Variants in COL24A1 observed in about 807,000 individuals in gnomAD.
COL24A1 encodes the protein collagen alpha-1(XXIV) chain.
A neutral mutation model predicts 253.9 loss-of-function variants in COL24A1; 224 were observed. The ratio of observed to expected loss-of-function variants is 0.88; its 90% CI spans 0.79 to 0.99. The LOEUF is 0.99. COL24A1 is among the 50% of genes least tolerant of loss of function. The pLI is 0.00. For missense variants in COL24A1, 2,131 were observed against 2,068.5 expected, an observed-to-expected ratio of 1.03 and a Z score of -0.59; for synonymous variants, 685 against 673.7, an observed-to-expected ratio of 1.02 and a Z score of -0.26.
chr1:85,840,653 G>C (rs1676507717), intron 42 of COL24A1, among the ~76,000 whole-genome samples: 1 of 151,982 alleles, frequency 6.6e-6, no homozygotes, highest in African/African-American at 2.4e-5. Flanking sequence ...AGTCAAACAT[G>C]AACACAGAGA....
At chr1:86,141,437 G>C (rs1651060318) in intron 2 of COL24A1, among the ~76,000 whole-genome samples, 1 of 152,110 alleles carries the variant, frequency 6.6e-6, no homozygotes, top group African/African-American at 2.4e-5. Flanking sequence ...GAAGGGATTT[G>C]GCTAAAATTG....
At chr1:86,099,550 G>A (rs979457742) in intron 5 of COL24A1, among the ~76,000 whole-genome samples, 1 of 152,160 alleles carries the variant, frequency 6.6e-6, no homozygotes, top group Admixed American at 6.5e-5. Flanking sequence ...TCTCATTATA[G>A]CAGATAGGAG....
chr1:85,992,934 T>C (rs1289181617), intron 19 of COL24A1, among the ~76,000 whole-genome samples: 1 of 152,124 alleles, frequency 6.6e-6, no homozygotes, highest in Non-Finnish European at 1.5e-5. Context: ...GTTTTAAAAA[T>C]AGTATGTGAA....
chr1:85,770,451 T>C (rs1181753303), intron 53 of COL24A1, among the ~76,000 whole-genome samples: 3 of 152,092 alleles, frequency 2.0e-5, no homozygotes, highest in East Asian at 1.9e-4. Context: ...CCTCTGTTTA[T>C]GGTGCTGCTT....
At chr1:85,979,205 G>C (rs1017762436) in intron 20 of COL24A1, among the ~76,000 whole-genome samples, 10 of 152,090 alleles carry the variant, frequency 6.6e-5, no homozygotes, top group Non-Finnish European at 4.4e-5. Context: ...CAAGAGGAAA[G>C]TTCATAGTAT....
chr1:85,832,738 G>T (rs1675468362), intron 43 of COL24A1, among the ~76,000 whole-genome samples: 1 of 151,436 alleles, frequency 6.6e-6, no homozygotes, highest in African/African-American at 2.4e-5. Flanking sequence ...GTCTGTTATT[G>T]TTGTGTAAGA....
chr1:85,869,318 C>A (rs1680147717), intron 35 of COL24A1, among the ~76,000 whole-genome samples: 1 of 152,056 alleles, frequency 6.6e-6, no homozygotes, highest in East Asian at 1.9e-4. Flanking sequence ...TAAGGCTCTG[C>A]AACGTACAAA....
intron 32 of COL24A1, among the ~76,000 whole-genome samples, chr1:85,879,507 A>T (rs1009784547): frequency 2.6e-5 from 4 of 152,300 alleles, no homozygotes; most frequent in South Asian, 2.1e-4. Context: ...CACTTAAAAC[A>T]ACATAAGGGT....
intron 1 of COL24A1, chr1:86,154,274 G>A (rs1653187000): frequency 6.6e-6 from 1 of 151,970 alleles, no homozygotes; most frequent in South Asian, 2.1e-4. Flanking sequence ...TCTTTCCCAA[G>A]TTTGCATGTG....
chr1:86,076,284 T>C (rs1215734767), intron 7 of COL24A1, among the ~76,000 whole-genome samples: 2 of 152,090 alleles, frequency 1.3e-5, no homozygotes, highest in Non-Finnish European at 2.9e-5. Flanking sequence ...TGAACTCCCA[T>C]TCACAACTGC....
rs1046227634 is a variant in COL24A1, at chr1:85,738,348, C to T, written c.4673-843G>A. ...TTTTTGTTTTCACAAAAAAATCATACAATTAAATGTTTATCATTTTTGTAC... is the reference window on the plus strand; with the variant it reads ...TTTTTGTTTTCACAAAAAAATCATATAATTAAATGTTTATCATTTTTGTAC... On this transcript the variant is annotated intron_variant, in intron 57 of 59. Transcript: ENST00000370571. 2.6e-5 allele frequency among the ~76,000 whole-genome samples: 4 copies of T among 151,858 alleles called. No individual in the cohort carries two copies. In the East Asian group the frequency reaches 5.8e-4, roughly 22 times the overall value.
At chr1:85,913,261 T>C (rs1282761146) in intron 24 of COL24A1, among the ~76,000 whole-genome samples, 3 of 152,156 alleles carry the variant, frequency 2.0e-5, no homozygotes, top group African/African-American at 2.4e-5. Flanking sequence ...AACGGTGAAA[T>C]GGCATTTTTA....
At chr1:85,879,247 GT>G (rs1477903657) in intron 32 of COL24A1, among the ~76,000 whole-genome samples, 47 of 26,958 alleles carry the variant, frequency 1.7e-3, no homozygotes, top group Admixed American at 6.9e-3. Context: ...CATTTTGAGG[GT>G]GTGTGTGTGT....
chr1:86,073,826 A>G (rs1364946862), intron 7 of COL24A1, among the ~76,000 whole-genome samples: 1 of 152,232 alleles, frequency 6.6e-6, no homozygotes. Context: ...CAGCATGCTT[A>G]AAGAAAAGAA....
intron 31 of COL24A1, among the ~76,000 whole-genome samples, chr1:85,894,175 G>A (rs1683419761): frequency 6.6e-6 from 1 of 152,070 alleles, no homozygotes; most frequent in Admixed American, 6.6e-5. Flanking sequence ...ATCCCATCAT[G>A]TCAATCCAAT....
At chr1:85,919,279 T>C (rs1033080819) in intron 24 of COL24A1, among the ~76,000 whole-genome samples, 6 of 152,242 alleles carry the variant, frequency 3.9e-5, no homozygotes, top group African/African-American at 1.4e-4. Flanking sequence ...CAATATGTCC[T>C]TTTAAGCTGA....
Position 85,734,976 on chromosome 1 carries a change from G to A in COL24A1, c.4783-12C>T. 1 of 1,611,640 alleles carries A rather than the reference G, an allele frequency of 6.2e-7. No homozygotes were observed. The highest frequency in any genetic ancestry group is 8.5e-7 in the Non-Finnish European group (1 of 1,177,822). ...ACTCCAAACTCCAACTAATGTCATA[G>A]AAATGATATGCAGGTTATAACATGG... On this transcript the variant is annotated splice_polypyrimidine_tract_variant and intron_variant, in intron 58 of 59. Coordinates refer to ENST00000370571, the MANE Select transcript of COL24A1 (RefSeq NM_152890.7).
chr1:86,089,492 C>A (rs547216626), intron 6 of COL24A1, among the ~76,000 whole-genome samples: 205 of 152,310 alleles, frequency 1.3e-3, no homozygotes, highest in African/African-American at 4.7e-3. Context: ...TGCTGTCAAA[C>A]TTCGCCTCAG....
intron 7 of COL24A1, among the ~76,000 whole-genome samples, chr1:86,072,811 C>T (rs1425078780): frequency 4.6e-5 from 7 of 152,190 alleles, no homozygotes; most frequent in Admixed American, 3.9e-4. Flanking sequence ...CTTTGCTGTT[C>T]TGCAGCCTTC....
Sources: gnomAD v4.1 joint callset for allele counts (sites outside exome capture counted in the v4.1 genomes callset) on GRCh38, gnomAD v4.1.1 for gene constraint, MANE v1.5 for transcripts, NCBI Gene and HGNC (gene_info 2026-07-23, HGNC 2026-07-21) for gene names.